Variants in ZIM2 observed in about 807,000 individuals in gnomAD.
ZIM2 encodes the protein zinc finger protein 656.
In ZIM2, 14 loss-of-function variants were observed where a neutral mutation model predicts 38.6. That is an observed-to-expected ratio of 0.36 (90% CI 0.24 to 0.57). The LOEUF (loss-of-function observed/expected upper bound fraction) is 0.57, where lower values mean the gene tolerates loss of function less well. ZIM2 is among the 20% of genes least tolerant of loss of function. ZIM2 has a pLI of 0.81. For synonymous variants in ZIM2, 247 were observed against 245.8 expected (o/e 1.00, Z -0.04); for missense variants, 680 against 695.1 (o/e 0.98, Z 0.24).
intron 9 of ZIM2, among the ~76,000 whole-genome samples, chr19:56,794,626 C>T (rs2047102586): frequency 2.0e-5 from 3 of 152,216 alleles, no homozygotes; most frequent in Admixed American, 2.0e-4. Flanking sequence ...CCAACTTCTT[C>T]TTCCAAACTC....
intron 2 of ZIM2, among the ~76,000 whole-genome samples, chr19:56,831,410 C>T (rs1427232105): frequency 6.6e-6 from 1 of 152,174 alleles, no homozygotes; most frequent in Non-Finnish European, 1.5e-5. Context: ...CCGCTAATAC[C>T]TCAGTGTTTG....
At chr19:56,775,756 A>T (rs1400733377) in intron 12 of ZIM2, among the ~76,000 whole-genome samples, 1 of 152,104 alleles carries the variant, frequency 6.6e-6, no homozygotes, top group Non-Finnish European at 1.5e-5. Context: ...GATCTTATGG[A>T]GGTTGAGAGA....
intron 9 of ZIM2, chr19:56,810,256 C>G: frequency 1.0e-5 from 10 of 983,508 alleles, no homozygotes; most frequent in Non-Finnish European, 1.2e-5. Flanking sequence ...ATTTCTGTAA[C>G]TTCAAAGTTT....
At chr19:56,818,979 T>C (rs2060229975) in intron 7 of ZIM2, among the ~76,000 whole-genome samples, 1 of 152,108 alleles carries the variant, frequency 6.6e-6, no homozygotes, top group Non-Finnish European at 1.5e-5. Context: ...ATGAAACAAT[T>C]AGAGAACAAT....
chr19:56,812,366 T>C, intron 9 of ZIM2: 1 of 984,644 alleles, frequency 1.0e-6, no homozygotes, highest in Non-Finnish European at 1.2e-6. Flanking sequence ...CAAAACAAAT[T>C]AAGGCTGCTG....
chr19:56,786,617 A>G (rs1202082367), intron 10 of ZIM2, among the ~76,000 whole-genome samples: 1 of 152,118 alleles, frequency 6.6e-6, no homozygotes, highest in East Asian at 1.9e-4. Flanking sequence ...ATTGTCTCAA[A>G]TCCCCAAATC....
intron 2 of ZIM2, among the ~76,000 whole-genome samples, chr19:56,830,815 A>G (rs2061502332): frequency 6.6e-6 from 1 of 152,132 alleles, no homozygotes; most frequent in African/African-American, 2.4e-5. Context: ...TGAGCCTGTA[A>G]TCCAAACTAC....
intron 2 of ZIM2, among the ~76,000 whole-genome samples, chr19:56,832,488 T>C (rs148001053): frequency 2.6e-4 from 40 of 152,336 alleles, no homozygotes; most frequent in African/African-American, 9.4e-4. Flanking sequence ...GGCAAACCCA[T>C]ATCCTTCCTG....
chr19:56,812,924 A>G, intron 9 of ZIM2: 9 of 985,808 alleles, frequency 9.1e-6, no homozygotes, highest in Non-Finnish European at 1.1e-5. Context: ...CAAAAAGCCA[A>G]TCCGTATATT....
intron 9 of ZIM2, chr19:56,815,309 C>A: frequency 6.2e-7 from 1 of 1,614,252 alleles, no homozygotes; most frequent in Non-Finnish European, 8.5e-7. Context: ...GTGTTGAGGT[C>A]TTCGCTGGTA....
chr19:56,836,034 A>C lies in ZIM2; in HGVS notation c.-243T>G. 2.0e-6 allele frequency: 1 copy of C among 512,046 alleles called. No individual in the cohort carries two copies. Among genetic ancestry groups the C allele is most frequent in the Non-Finnish European group, 3.9e-6 (1 of 256,778 alleles). The allele number at this position is 512,046 out of a possible 1,614,324, so 31.7% of individuals were successfully genotyped here. ...TCAACTCACCTGGACCCAGCCACCT[A>C]GCGTTTGGACCTAGTCCCTCTTCCT... is the stretch of plus-strand genomic sequence containing the variant. On this transcript the variant is annotated 5_prime_UTR_variant, in exon 2 of 13. Transcript: ENST00000629319.
At chr19:56,821,820 C>T in intron 6 of ZIM2, 66 bp from the exon 7 acceptor site, 2 of 1,571,996 alleles carry the variant, frequency 1.3e-6, no homozygotes, top group South Asian at 1.1e-5. Context: ...CAGGTTTGTC[C>T]CACTCAACTA....
At chr19:56,799,989 A>C (rs2047431939) in intron 9 of ZIM2, among the ~76,000 whole-genome samples, 1 of 152,200 alleles carries the variant, frequency 6.6e-6, no homozygotes, top group South Asian at 2.1e-4. Flanking sequence ...AGCAAAACTA[A>C]TGTGTGGTGA....
intron 9 of ZIM2, among the ~76,000 whole-genome samples, chr19:56,800,661 G>T (rs1485750914): frequency 2.6e-5 from 4 of 152,134 alleles, no homozygotes; most frequent in East Asian, 1.9e-4. Context: ...GGTAAGAAAA[G>T]AAATAATTTT....
chr19:56,789,798 A>C, intron 10 of ZIM2, 74 bp downstream of exon 10: 1 of 1,312,620 alleles, frequency 7.6e-7, no homozygotes, highest in Non-Finnish European at 1.0e-6. Flanking sequence ...GGTTTAATTA[A>C]ATAAGGAAGT....
intron 2 of ZIM2, among the ~76,000 whole-genome samples, chr19:56,829,631 G>C (rs930995464): frequency 6.6e-6 from 1 of 152,216 alleles, no homozygotes; most frequent in Non-Finnish European, 1.5e-5. Flanking sequence ...CCTGACACAA[G>C]GTGGGCCATA....
chr19:56,798,858 A>T (rs1042452041), intron 9 of ZIM2: 5 of 152,172 alleles, frequency 3.3e-5, no homozygotes, highest in South Asian at 2.1e-4. Context: ...CATTTTTTTT[A>T]AAAAAGCTCA....
intron 9 of ZIM2, among the ~76,000 whole-genome samples, chr19:56,796,149 C>T (rs929958908): frequency 1.1e-4 from 17 of 152,092 alleles, no homozygotes; most frequent in African/African-American, 4.1e-4. Context: ...CTCAGTATTC[C>T]TGGGGGATTT....
In ZIM2 at chr19:56,811,734, A is replaced by C. The variant is rs906216540; in HGVS notation, c.490+6012T>G. ...CTCAGCTTTCCCGATGTCCGTTCCAACCTCAGTCCTTCCTATGCAGCCAGC... is the reference window on the plus strand; with the variant it reads ...CTCAGCTTTCCCGATGTCCGTTCCACCCTCAGTCCTTCCTATGCAGCCAGC... On this transcript the variant is annotated intron_variant, in intron 9 of 12. Transcript: ENST00000629319. The C allele has an allele frequency of 1.3e-5, 13 of 985,224 alleles. No homozygotes were observed. In the African/African-American group the frequency reaches 2.3e-4, roughly 17 times the overall value. The allele number at this position is 985,224 out of a possible 1,614,324, so 61.0% of individuals were successfully genotyped here.
Sources: allele counts gnomAD v4.1 joint callset (sites outside exome capture counted in the v4.1 genomes callset), GRCh38; gene constraint gnomAD v4.1.1; transcripts MANE v1.5; gene names NCBI Gene and HGNC (gene_info 2026-07-23, HGNC 2026-07-21).